The following TMTC3 variants were observed in gnomAD, a reference collection of about 807,000 sequenced individuals.
TMTC3 encodes the protein transmembrane O-mannosyltransferase targeting cadherins 3, also known as protein O-mannosyl-transferase TMTC3.
In TMTC3, 52 loss-of-function variants were observed where a neutral mutation model predicts 92.2. That is an observed-to-expected ratio of 0.56 (90% CI 0.45 to 0.71). TMTC3 has a LOEUF of 0.71. TMTC3 is among the 30% of genes least tolerant of loss of function. The pLI is 0.00. For missense variants in TMTC3, 896 were observed against 1,057.1 expected, an observed-to-expected ratio of 0.85 and a Z score of 2.11; for synonymous variants, 339 against 363.3, an observed-to-expected ratio of 0.93 and a Z score of 0.76.
chr12:88,170,160 G>A (rs2041189280), intron 7 of TMTC3, among the ~76,000 whole-genome samples: 1 of 152,074 alleles, frequency 6.6e-6, no homozygotes, highest in Admixed American at 6.6e-5. Flanking sequence ...AGCATATTAG[G>A]ACCTGTGAAT....
chr12:88,169,794 C>G (rs2041184792), intron 7 of TMTC3, among the ~76,000 whole-genome samples: 1 of 151,908 alleles, frequency 6.6e-6, no homozygotes, highest in Admixed American at 6.6e-5. Flanking sequence ...TTTAAATTAG[C>G]CAGGCATGGT....
chr12:88,152,264 G>T (rs1318094693), intron 2 of TMTC3, among the ~76,000 whole-genome samples: 1 of 152,152 alleles, frequency 6.6e-6, no homozygotes, highest in Non-Finnish European at 1.5e-5. Flanking sequence ...GGTGAAGGGG[G>T]AGCAGGTGTA....
intron 7 of TMTC3, 80 bp from the exon 8 acceptor site, chr12:88,172,517 G>T (rs2041215338): frequency 3.9e-6 from 3 of 777,672 alleles, no homozygotes; most frequent in African/African-American, 3.7e-5. Context: ...TCAAGTATCA[G>T]ATGCCCATAT....
chr12:88,164,194 A>C (rs1174447690), intron 6 of TMTC3, among the ~76,000 whole-genome samples: 1 of 150,954 alleles, frequency 6.6e-6, no homozygotes, highest in Non-Finnish European at 1.5e-5. Flanking sequence ...TGTCTCAAAA[A>C]AAAAAAAAAA....
intron 6 of TMTC3, 95 bp from the exon 7 acceptor site, chr12:88,166,235 T>C: frequency 1.7e-6 from 2 of 1,186,494 alleles, no homozygotes; most frequent in African/African-American, 1.6e-5. Context: ...AATAAGATGA[T>C]ATATAAAATG....
intron 2 of TMTC3, among the ~76,000 whole-genome samples, chr12:88,152,126 A>G (rs1044406924): frequency 6.6e-6 from 1 of 152,206 alleles, no homozygotes; most frequent in Non-Finnish European, 1.5e-5. Context: ...GCGTTAGTAT[A>G]AAGGAATACC....
Position 88,144,685 on chromosome 12 carries a change from C to T in TMTC3, c.-29+2198C>T, listed in dbSNP as rs369877308. Among the ~76,000 whole-genome samples, 133 of 152,274 alleles carry T rather than the reference C, an allele frequency of 8.7e-4. 2 individuals are homozygous for T. The South Asian group carries it at 0.027, about 31-fold the overall frequency. Reference sequence around the variant, plus strand: ...CTTACCTAAATTTTATTCTTTAACTCATTCTAACAGTATTTTTTATCCTGT... The same window carrying T: ...CTTACCTAAATTTTATTCTTTAACTTATTCTAACAGTATTTTTTATCCTGT... On this transcript the variant is annotated intron_variant, in intron 1 of 13. Transcript: ENST00000266712.
intron 4 of TMTC3, 89 bp downstream of exon 4, chr12:88,154,476 T>G (rs545659033): frequency 4.0e-6 from 3 of 752,368 alleles, no homozygotes; most frequent in African/African-American, 3.6e-5. Context: ...TATAACACAT[T>G]ATATACCACA....
chr12:88,146,054 C>A (rs2040869421), intron 1 of TMTC3, among the ~76,000 whole-genome samples: 1 of 152,138 alleles, frequency 6.6e-6, no homozygotes, highest in Non-Finnish European at 1.5e-5. Context: ...TCACAACTAA[C>A]AAGAATAGTG....
At chr12:88,187,554 C>CA (rs2041392235) in intron 10 of TMTC3, among the ~76,000 whole-genome samples, 1 of 152,074 alleles carries the variant, frequency 6.6e-6, no homozygotes. Flanking sequence ...CCATGAGACT[C>CA]AGCAATACAT....
intron 2 of TMTC3, among the ~76,000 whole-genome samples, chr12:88,151,170 G>A (rs1164439621): frequency 6.6e-6 from 1 of 151,830 alleles, no homozygotes. Context: ...GTGGGAGGGA[G>A]GGTGGGGCTT....
intron 6 of TMTC3, 89 bp downstream of exon 6, chr12:88,160,940 TG>T: frequency 7.4e-7 from 1 of 1,349,296 alleles, no homozygotes; most frequent in Non-Finnish European, 1.0e-6. Context: ...TATTTTATTT[TG>T]TTTTTTAACA....
chr12:88,159,067 G>GAAAAAAAAAAAAAAAAAAAAAAAAAAGA (rs538720655), intron 4 of TMTC3, among the ~76,000 whole-genome samples: 1 of 113,126 alleles, frequency 8.8e-6, no homozygotes, highest in Non-Finnish European at 1.9e-5. Context: ...AAAAAAAAAG[G>GAAAAAAAAAAAAAAAAAAAAAAAAAAGA]AAAAAAAAAA....
intron 10 of TMTC3, among the ~76,000 whole-genome samples, chr12:88,185,621 A>G (rs907365152): frequency 6.6e-6 from 1 of 152,128 alleles, no homozygotes; most frequent in African/African-American, 2.4e-5. Flanking sequence ...TGGCATGGTC[A>G]TATGATTTCT....
chr12:88,182,227 A>G (rs1025540901), intron 10 of TMTC3, among the ~76,000 whole-genome samples: 1 of 152,250 alleles, frequency 6.6e-6, no homozygotes, highest in African/African-American at 2.4e-5. Flanking sequence ...TGTCTGTCCT[A>G]TTAATCCTGT....
chr12:88,179,089 A>G (rs1291308875), intron 10 of TMTC3, among the ~76,000 whole-genome samples: 1 of 152,198 alleles, frequency 6.6e-6, no homozygotes, highest in Non-Finnish European at 1.5e-5. Flanking sequence ...TGCTGTTTCT[A>G]TTAATCATAA....
chr12:88,156,963 C>A (rs1035606987), intron 4 of TMTC3, among the ~76,000 whole-genome samples: 7 of 151,810 alleles, frequency 4.6e-5, no homozygotes, highest in Non-Finnish European at 8.8e-5. Flanking sequence ...GTTTTCTATA[C>A]CTTTAACTTG....
chr12:88,188,088 A>C (rs779800684), intron 10 of TMTC3, among the ~76,000 whole-genome samples: 1 of 152,190 alleles, frequency 6.6e-6, no homozygotes, highest in African/African-American at 2.4e-5. Flanking sequence ...TTTTAAAAAA[A>C]TCTAAAATTA....
At chr12:88,160,559 C>G (rs1199054655) in intron 5 of TMTC3, 120 bp from the exon 6 acceptor site, 3 of 902,816 alleles carry the variant, frequency 3.3e-6, no homozygotes, top group Non-Finnish European at 5.0e-6. Context: ...TTCACACATT[C>G]TTCCACATTA....
Sources: gnomAD v4.1 joint callset for allele counts (sites outside exome capture counted in the v4.1 genomes callset) on GRCh38, gnomAD v4.1.1 for gene constraint, MANE v1.5 for transcripts, NCBI Gene and HGNC (gene_info 2026-07-23, HGNC 2026-07-21) for gene names.